NAALADL2: variants seen among roughly 807,000 people sequenced by gnomAD.
NAALADL2 encodes N-acetylated alpha-linked acidic dipeptidase like 2.
Under a neutral mutation model 87.2 loss-of-function variants are expected in NAALADL2, and 76 were observed. That is an observed-to-expected ratio of 0.87 (90% CI 0.72 to 1.05). The LOEUF is 1.05. Ranked by LOEUF, NAALADL2 falls within the 50% of genes least tolerant of loss-of-function variation. The probability of loss-of-function intolerance (pLI) is 0.00; values close to 1 mark genes in which losing one functional copy is unlikely to be tolerated. For missense variants in NAALADL2, 1,089 were observed against 945.8 expected, an observed-to-expected ratio of 1.15 and a Z score of -1.99; for synonymous variants, 354 against 331.0, an observed-to-expected ratio of 1.07 and a Z score of -0.75.
chr3:174,591,239 C>T (rs1247982892), intron 2 of NAALADL2, among the ~76,000 whole-genome samples: 1 of 152,164 alleles, frequency 6.6e-6, no homozygotes, highest in Non-Finnish European at 1.5e-5. Flanking sequence ...CTTTTCTAAC[C>T]TGGCCTTCCA....
At chr3:175,128,931 T>G (rs13317044) in intron 2 of NAALADL2, among the ~76,000 whole-genome samples, 10,126 of 151,580 alleles carry the variant, frequency 0.067, 656 homozygotes, top group African/African-American at 0.17. Flanking sequence ...ACCAATTTTT[T>G]TTTGTTTGTT....
rs530155908 is a variant in NAALADL2, at chr3:174,700,067, G to T, written c.-114-37574G>T. Among the ~76,000 whole-genome samples the T allele has an allele frequency of 4.0e-5, 6 of 151,136 alleles. No individual in the cohort carries two copies. The South Asian group carries it at 1.3e-3, about 32-fold the overall frequency. ...GTTTACTTACTTGTTGGTTTATTTG[G>T]CTATTTGAAGATTTCTCTTAATTAT... On this transcript the variant is annotated intron_variant, in intron 2 of 3. Transcript: ENST00000434257.
In NAALADL2 at chr3:175,447,279, C is replaced by T. The variant is rs1008939484; in HGVS notation, c.1141C>T (p.Pro381Ser). 2 of 1,604,242 alleles carry T rather than the reference C, an allele frequency of 1.2e-6. No individual in the cohort carries two copies. Among genetic ancestry groups the T allele is most frequent in the Non-Finnish European group, 1.7e-6 (2 of 1,172,988 alleles). Residue 381 changes from proline to serine, a missense_variant, in exon 6 of 14, where the codon CCC (proline) becomes TCC (serine). Physicochemically the swap from Pro to Ser is moderately conservative, Grantham distance 74 (BLOSUM62 -1). Transcript: ENST00000454872. ...RSNLTSLLVQ[P>S]ISAPLVAKLI... is the part of the protein sequence containing the mutation. ...AAACCTCACCTCTCTATTAGTGCAG[C>T]CCATCTCTGCACCCCTCGTTGCAAA... is the stretch of plus-strand genomic sequence containing the variant.
chr3:175,746,032 G>A (rs1452335314), intron 12 of NAALADL2, among the ~76,000 whole-genome samples: 2 of 152,112 alleles, frequency 1.3e-5, no homozygotes, highest in African/African-American at 4.8e-5. Flanking sequence ...GCCAGACTCA[G>A]CAGGAAACAT....
intron 3 of NAALADL2, among the ~76,000 whole-genome samples, chr3:174,809,665 A>C: frequency 6.6e-6 from 1 of 152,100 alleles, no homozygotes; most frequent in East Asian, 1.9e-4. Context: ...TTTTTACTAC[A>C]TAGTAATTAT....
intron 11 of NAALADL2, among the ~76,000 whole-genome samples, chr3:175,716,319 T>C (rs945613446): frequency 2.1e-5 from 3 of 145,760 alleles, no homozygotes; most frequent in Non-Finnish European, 4.5e-5. Flanking sequence ...ACATATATAA[T>C]ATACAGATAT....
intron 1 of NAALADL2, among the ~76,000 whole-genome samples, chr3:174,979,604 C>A (rs879634776): frequency 3.3e-5 from 5 of 151,918 alleles, no homozygotes; most frequent in Admixed American, 1.3e-4. Context: ...CACACCCAGC[C>A]CATTTTGTTT....
intron 9 of NAALADL2, among the ~76,000 whole-genome samples, chr3:175,501,199 A>G (rs1388630661): frequency 1.3e-5 from 2 of 152,128 alleles, no homozygotes; most frequent in Non-Finnish European, 2.9e-5. Context: ...CAGGAAGCCA[A>G]CTCAAACTTG....
chr3:174,698,674 C>A (rs1456656294), intron 2 of NAALADL2, among the ~76,000 whole-genome samples: 2 of 102,604 alleles, frequency 1.9e-5, no homozygotes, highest in African/African-American at 1.2e-4. Context: ...ACCATCCCGG[C>A]TAAAATGGTG....
At chr3:175,329,057 A>G (rs1298104206) in intron 5 of NAALADL2, among the ~76,000 whole-genome samples, 1 of 152,130 alleles carries the variant, frequency 6.6e-6, no homozygotes, top group Non-Finnish European at 1.5e-5. Context: ...TGTGTTGACT[A>G]CAGTGTTGAT....
chr3:174,920,076 T>C (rs904107917), intron 1 of NAALADL2, among the ~76,000 whole-genome samples: 8 of 152,228 alleles, frequency 5.3e-5, no homozygotes, highest in Non-Finnish European at 1.5e-5. Context: ...TGTTCCATTT[T>C]ATAGAGTACA....
chr3:175,502,228 GGT>G (rs3040528), intron 9 of NAALADL2, among the ~76,000 whole-genome samples: 7,417 of 147,024 alleles, frequency 0.05, 345 homozygotes, highest in African/African-American at 0.13. Context: ...CATTATCCTG[GGT>G]GTGTGTGTGT....
chr3:174,657,041 C>CTTTTTTTTTTTT (rs60569510), intron 2 of NAALADL2, among the ~76,000 whole-genome samples: 1 of 115,818 alleles, frequency 8.6e-6, no homozygotes, highest in Admixed American at 9.0e-5. Flanking sequence ...TTTCCTTCTT[C>CTTTTTTTTTTTT]TTTTTTTTTT....
intron 1 of NAALADL2, among the ~76,000 whole-genome samples, chr3:175,093,679 C>T (rs1354631786): frequency 6.6e-6 from 1 of 151,262 alleles, no homozygotes; most frequent in African/African-American, 2.4e-5. Context: ...ATACTCATTT[C>T]CGTAGTAATT....
intron 2 of NAALADL2, among the ~76,000 whole-genome samples, chr3:175,187,186 G>T (rs1737471395): frequency 6.6e-6 from 1 of 151,994 alleles, no homozygotes; most frequent in South Asian, 2.1e-4. Flanking sequence ...ATATTTATTT[G>T]ATCATTCATT....
chr3:175,051,648 T>G (rs925156084), intron 1 of NAALADL2, among the ~76,000 whole-genome samples: 1 of 152,086 alleles, frequency 6.6e-6, no homozygotes, highest in Non-Finnish European at 1.5e-5. Context: ...GCAACATCCT[T>G]TGTCATATTC....
chr3:175,431,129 C>T (rs889813822), intron 5 of NAALADL2, among the ~76,000 whole-genome samples: 3 of 152,042 alleles, frequency 2.0e-5, no homozygotes, highest in African/African-American at 7.2e-5. Context: ...ATATTTTCTT[C>T]GAAGCAACCT....
intron 1 of NAALADL2, among the ~76,000 whole-genome samples, chr3:174,976,875 G>T (rs1225237475): frequency 6.6e-6 from 1 of 152,196 alleles, no homozygotes; most frequent in African/African-American, 2.4e-5. Context: ...ATTCTAGGAT[G>T]TGGCAAGGGT....
At chr3:175,786,214 G>C (rs369229427) in intron 13 of NAALADL2, among the ~76,000 whole-genome samples, 1 of 151,682 alleles carries the variant, frequency 6.6e-6, no homozygotes, top group East Asian at 1.9e-4. Context: ...TCTTTGTGGC[G>C]TTCTCTGTAT....
Sources: allele counts gnomAD v4.1 joint callset (sites outside exome capture counted in the v4.1 genomes callset), GRCh38; gene constraint gnomAD v4.1.1; transcripts MANE v1.5; gene names NCBI Gene and HGNC (gene_info 2026-07-23, HGNC 2026-07-21).